The following SCN10A variants were observed in gnomAD, a reference collection of about 807,000 sequenced individuals.
SCN10A encodes sodium channel protein type 10 subunit alpha.
Under a neutral mutation model 170.7 loss-of-function variants are expected in SCN10A, and 162 were observed. The observed-to-expected ratio is 0.95, with a 90% CI of 0.84 to 1.08. The LOEUF is 1.08. Among genes scored for constraint, SCN10A ranks in the 50% least tolerant of loss-of-function variants. The pLI is 0.00. For synonymous variants in SCN10A, 985 were observed against 904.6 expected (o/e 1.09, Z -1.59); for missense variants, 2,527 against 2,436.9 (o/e 1.04, Z -0.78).
intron 13 of SCN10A, among the ~76,000 whole-genome samples, chr3:38,746,982 A>T (rs1012237503): frequency 3.9e-5 from 6 of 152,304 alleles, no homozygotes; most frequent in African/African-American, 1.4e-4. Flanking sequence ...CCTCTTAAAG[A>T]GGTGGCCTTT....
intron 4 of SCN10A, among the ~76,000 whole-genome samples, chr3:38,776,484 A>G (rs986263950): frequency 6.6e-6 from 1 of 152,138 alleles, no homozygotes; most frequent in Non-Finnish European, 1.5e-5. Context: ...ACAATAAAAT[A>G]CATTAGTCAA....
chr3:38,741,656 C>G (rs2063633866), intron 14 of SCN10A, among the ~76,000 whole-genome samples: 1 of 152,112 alleles, frequency 6.6e-6, no homozygotes, highest in Non-Finnish European at 1.5e-5. Context: ...TGGATTGTAT[C>G]TTGTTAAGAG....
chr3:38,746,334 A>T (rs2063690559), intron 13 of SCN10A, among the ~76,000 whole-genome samples: 1 of 151,732 alleles, frequency 6.6e-6, no homozygotes, highest in South Asian at 2.1e-4. Flanking sequence ...TGCATCATCA[A>T]GTCCTGAATC....
At chr3:38,703,052 T>C (rs1166769562) in intron 26 of SCN10A, among the ~76,000 whole-genome samples, 1 of 152,154 alleles carries the variant, frequency 6.6e-6, no homozygotes, top group Non-Finnish European at 1.5e-5. Flanking sequence ...CATTCTCCCC[T>C]ACCCCATGTA....
intron 21 of SCN10A, among the ~76,000 whole-genome samples, chr3:38,716,290 T>C (rs2063333016): frequency 1.3e-5 from 2 of 152,204 alleles, no homozygotes; most frequent in African/African-American, 4.8e-5. Context: ...TATCTTGAAT[T>C]CCCATGTGTT....
intron 1 of SCN10A, among the ~76,000 whole-genome samples, chr3:38,806,658 A>T (rs557034041): frequency 3.3e-5 from 5 of 152,276 alleles, no homozygotes; most frequent in African/African-American, 1.2e-4. Flanking sequence ...TGTATATGGA[A>T]GCATTATGTA....
intron 15 of SCN10A, among the ~76,000 whole-genome samples, chr3:38,734,896 G>T (rs548309130): frequency 3.9e-4 from 60 of 152,210 alleles, no homozygotes; most frequent in African/African-American, 1.4e-3. Context: ...TAGGCTGGGC[G>T]TGGGTGGCTC....
intron 1 of SCN10A, among the ~76,000 whole-genome samples, chr3:38,800,965 G>T (rs76527198): frequency 6.6e-6 from 1 of 152,068 alleles, no homozygotes; most frequent in Admixed American, 6.6e-5. Flanking sequence ...TTGCCATTTC[G>T]ATAGTGATGG....
intron 1 of SCN10A, among the ~76,000 whole-genome samples, chr3:38,814,617 T>C (rs1310067677): frequency 6.6e-6 from 1 of 152,242 alleles, no homozygotes; most frequent in Non-Finnish European, 1.5e-5. Flanking sequence ...CTTCTGATGA[T>C]TGTTATCTCA....
chr3:38,772,456 G>A (rs527706401), intron 4 of SCN10A, among the ~76,000 whole-genome samples: 3 of 152,256 alleles, frequency 2.0e-5, no homozygotes, highest in African/African-American at 4.8e-5. Context: ...TTGGGAGGCC[G>A]AGGCGGGCAG....
chr3:38,716,711 A>T (rs1454952424), intron 21 of SCN10A, among the ~76,000 whole-genome samples: 1 of 152,240 alleles, frequency 6.6e-6, no homozygotes, highest in Non-Finnish European at 1.5e-5. Flanking sequence ...ACAAACAAGA[A>T]AGGAAAAGTA....
chr3:38,703,387 A>G (rs58760012), intron 26 of SCN10A, among the ~76,000 whole-genome samples: 4 of 152,150 alleles, frequency 2.6e-5, no homozygotes, highest in Admixed American at 2.0e-4. Context: ...AGAAACTTAC[A>G]TCTCCCTCCA....
chr3:38,804,302 A>G lies in SCN10A; in HGVS notation c.-32-10260T>C, dbSNP rs1312434894. Among the ~76,000 whole-genome samples the G allele has an allele frequency of 2.6e-5, 4 of 152,248 alleles. No homozygotes were observed. In the East Asian group the frequency reaches 5.8e-4, roughly 22 times the overall value. ...TAGCTCATTCAACTATTACCTTGCT[A>G]AAGAAGACTCCCCGACCATCCTTTC... On this transcript the variant is annotated intron_variant, in intron 1 of 27. Transcript: ENST00000449082.
intron 1 of SCN10A, among the ~76,000 whole-genome samples, chr3:38,806,480 G>T (rs2064406167): frequency 6.6e-6 from 1 of 152,148 alleles, no homozygotes. Flanking sequence ...TAAAAAACCA[G>T]AGAGATAGTG....
In SCN10A at chr3:38,712,391, C is replaced by T. The variant is rs145032037; in HGVS notation, c.3859G>A (p.Val1287Ile). The T allele has an allele frequency of 1.3e-3, 2,128 of 1,614,044 alleles. 2 individuals are homozygous for T. Among genetic ancestry groups the T allele is most frequent in the Non-Finnish European group, 1.6e-3 (1,940 of 1,180,034 alleles). ...AAGATGAGCCAGAAGATGAGGCAGA[C>T]GAGGAGGACATTCATGATGGATGGG... Reference protein sequence around the residue: ...AIPSIMNVLLVCLIFWLIFSI... With the variant: ...AIPSIMNVLLICLIFWLIFSI... Residue 1287 changes from valine to isoleucine, a missense_variant, in exon 23 of 28, where the codon GTC becomes ATC. Coordinates refer to ENST00000449082, the MANE Select transcript of SCN10A (RefSeq NM_006514.4).
chr3:38,761,282 G>A lies in SCN10A; in HGVS notation c.793C>T (p.Leu265=). Residue 265 remains leucine (L), a synonymous_variant, in exon 7 of 28, where the codon CTG becomes TTG. Transcript: ENST00000449082. The part of the protein sequence containing the change: ...FCLSVFALVG[L]QLFKGNLKNK... ...TTGAGGTTGCCCTTGAAGAGTTGCA[G>A]CCCCACCAAGGCAAAAACACTTAGG... The A allele has an allele frequency of 6.2e-7, 1 of 1,613,964 alleles. No homozygotes were observed. Among genetic ancestry groups the A allele is most frequent in the Middle Eastern group, 1.7e-4 (1 of 6,060 alleles).
At chr3:38,810,043 A>G (rs2064430310) in intron 1 of SCN10A, among the ~76,000 whole-genome samples, 1 of 152,146 alleles carries the variant, frequency 6.6e-6, no homozygotes, top group Non-Finnish European at 1.5e-5. Context: ...AAATACACAA[A>G]TACATGCCCA....
At chr3:38,775,908 G>A (rs1257662910) in intron 4 of SCN10A, among the ~76,000 whole-genome samples, 1 of 151,982 alleles carries the variant, frequency 6.6e-6, no homozygotes, top group Admixed American at 6.6e-5. Context: ...TTGATATGAG[G>A]ATGAATGATG....
At chr3:38,720,849 C>A (rs376547262) in intron 20 of SCN10A, among the ~76,000 whole-genome samples, 1 of 152,192 alleles carries the variant, frequency 6.6e-6, no homozygotes, top group Non-Finnish European at 1.5e-5. Context: ...TTACTTTAAT[C>A]CAGCAGGACT....
Sources: gnomAD v4.1 joint callset for allele counts (sites outside exome capture counted in the v4.1 genomes callset) on GRCh38, gnomAD v4.1.1 for gene constraint, MANE v1.5 for transcripts, NCBI Gene and HGNC (gene_info 2026-07-23, HGNC 2026-07-21) for gene names.